TENM3: variants seen among roughly 807,000 people sequenced by gnomAD.
TENM3 encodes teneurin transmembrane protein 3.
TENM3 carries 63 observed loss-of-function variants against 255.1 expected under a neutral mutation model. That is an observed-to-expected ratio of 0.25 (90% confidence interval 0.20 to 0.30). The LOEUF (loss-of-function observed/expected upper bound fraction) is 0.30, where lower values mean the gene tolerates loss of function less well. TENM3 is among the 10% of genes least tolerant of loss of function. The pLI, the probability that TENM3 is intolerant of heterozygous loss-of-function variation, is 1.00. For missense variants in TENM3, 2,929 were observed against 3,461.1 expected, an observed-to-expected ratio of 0.85 and a Z score of 3.86; for synonymous variants, 1,306 against 1,322.3, an observed-to-expected ratio of 0.99 and a Z score of 0.27.
intron 3 of TENM3, among the ~76,000 whole-genome samples, chr4:182,568,280 A>G (rs1308553794): frequency 6.6e-6 from 1 of 152,208 alleles, no homozygotes; most frequent in East Asian, 1.9e-4. Flanking sequence ...TTTGAGCTCA[A>G]CACAGTGAGT....
At chr4:182,239,204 G>A (rs971576795), upstream of TENM3, among the ~76,000 whole-genome samples, 9 of 151,860 alleles carry the variant, frequency 5.9e-5, no homozygotes, top group Non-Finnish European at 1.3e-4. Flanking sequence ...AGCCTCCCGA[G>A]TAGCTGGGAT....
At chr4:182,674,578 G>GTT (rs933257910) in intron 7 of TENM3, among the ~76,000 whole-genome samples, 3 of 151,782 alleles carry the variant, frequency 2.0e-5, no homozygotes, top group African/African-American at 7.3e-5. Flanking sequence ...GTTTTTGTTT[G>GTT]TTTTGTTTTT....
At chr4:181,696,617 T>C in the TENM3 span, among the ~76,000 whole-genome samples, 1 of 152,220 alleles carries the variant, frequency 6.6e-6, no homozygotes, top group African/African-American at 2.4e-5. Context: ...AATGTTCAAG[T>C]AAGGGGCCAA....
chr4:182,774,571 C>T (rs1764525468), intron 23 of TENM3, among the ~76,000 whole-genome samples: 1 of 152,182 alleles, frequency 6.6e-6, no homozygotes, highest in Non-Finnish European at 1.5e-5. Context: ...GAGGTGTGTA[C>T]ACCGCGCTCC....
the TENM3 span, among the ~76,000 whole-genome samples, chr4:181,605,571 AGAGAGAAAGAAAGGAAAGAAAGAAAG>A: frequency 3.4e-5 from 1 of 29,126 alleles, no homozygotes; most frequent in South Asian, 1.6e-3. Context: ...AGAAAGAAAG[AGAGAGAAAGAAAGGAAAGAAAGAAAG>A]AAAGAAAGAA....
intron 3 of TENM3, among the ~76,000 whole-genome samples, chr4:182,422,973 C>T (rs1485859146): frequency 2.6e-5 from 4 of 152,182 alleles, no homozygotes; most frequent in Non-Finnish European, 5.9e-5. Flanking sequence ...GGCCTTGTTC[C>T]TAACCTTGAA....
At chr4:182,189,912 A>C (rs1561181592) in intron 1 of TENM3, among the ~76,000 whole-genome samples, 1 of 152,216 alleles carries the variant, frequency 6.6e-6, no homozygotes, top group Non-Finnish European at 1.5e-5. Context: ...GCATCTTTGA[A>C]AATACAATTT....
At chr4:182,049,634 TA>T in the TENM3 span, among the ~76,000 whole-genome samples, 5 of 152,312 alleles carry the variant, frequency 3.3e-5, no homozygotes, top group Admixed American at 2.0e-4. Flanking sequence ...ACAATTACAT[TA>T]AATGCCAAAT....
Position 182,679,831 on chromosome 4 carries a change from G to T in TENM3, c.1492G>T (p.Asp498Tyr). ...AATCTGGCATCTGGCTTTTTATAAT[G>T]ATGGGAAAAATGCAGAGCAGGTGTC... is the stretch of plus-strand genomic sequence containing the variant. ...SGIWHLAFYN[D>Y]GKNAEQVSFN... Residue 498 changes from aspartate to tyrosine, a missense_variant, in exon 8 of 28, where the codon GAT becomes TAT. Transcript: ENST00000511685. The T allele has an allele frequency of 6.2e-7, 1 of 1,613,622 alleles. No individual in the cohort carries two copies. The highest frequency in any genetic ancestry group is 8.5e-7 in the Non-Finnish European group (1 of 1,179,740).
chr4:182,087,883 A>G, the TENM3 span, among the ~76,000 whole-genome samples: 1 of 152,234 alleles, frequency 6.6e-6, no homozygotes, highest in African/African-American at 2.4e-5. Flanking sequence ...CAAGGAGTAC[A>G]TCAGAAAGAA....
At chr4:181,849,961 A>T in the TENM3 span, among the ~76,000 whole-genome samples, 89 of 130,258 alleles carry the variant, frequency 6.8e-4, no homozygotes, top group African/African-American at 2.2e-3. Context: ...ACACACACAC[A>T]CACACACACA....
chr4:182,520,834 CCTTCT>C (rs1687687322), intron 3 of TENM3, among the ~76,000 whole-genome samples: 1 of 151,690 alleles, frequency 6.6e-6, no homozygotes, highest in Admixed American at 6.6e-5. Flanking sequence ...TCAGCTCTTT[CCTTCT>C]CTCATGGGCC....
chr4:182,048,677 C>CA, the TENM3 span, among the ~76,000 whole-genome samples: 3 of 151,972 alleles, frequency 2.0e-5, no homozygotes, highest in Non-Finnish European at 1.5e-5. Context: ...ATTCAAGTGC[C>CA]AAAAAAGAAA....
the TENM3 span, among the ~76,000 whole-genome samples, chr4:181,893,103 A>T: frequency 4.6e-5 from 7 of 152,188 alleles, no homozygotes; most frequent in Non-Finnish European, 8.8e-5. Flanking sequence ...TCATTAATAT[A>T]ATTCCGTATT....
rs76046791 is a variant in TENM3, at chr4:182,696,031, T to G, written c.2221+7680T>G. ...ATGAGTGCACCAGAAAAAGTCTTGT[T>G]TATGTGACGTCAAATACTGACATTG... is the stretch of plus-strand genomic sequence containing the variant. On this transcript the variant is annotated intron_variant, in intron 12 of 27. Coordinates refer to ENST00000511685, the MANE Select transcript of TENM3 (RefSeq NM_001080477.4). Among the ~76,000 whole-genome samples, 522 of 152,286 alleles carry G rather than the reference T, an allele frequency of 3.4e-3. 4 individuals carry two copies. The highest frequency in any genetic ancestry group is 5.5e-3 in the Non-Finnish European group (377 of 68,024).
chr4:182,559,221 A>C (rs963330675), intron 3 of TENM3, among the ~76,000 whole-genome samples: 1 of 150,546 alleles, frequency 6.6e-6, no homozygotes, highest in Non-Finnish European at 1.5e-5. Context: ...GACATTTTAA[A>C]AGCAGTTTAT....
At chr4:181,886,119 C>T in the TENM3 span, among the ~76,000 whole-genome samples, 8 of 145,680 alleles carry the variant, frequency 5.5e-5, no homozygotes, top group East Asian at 4.0e-4. Context: ...GTGGCGTGAT[C>T]GCCACTCACT....
chr4:181,671,703 A>G, the TENM3 span, among the ~76,000 whole-genome samples: 1 of 151,898 alleles, frequency 6.6e-6, no homozygotes, highest in Non-Finnish European at 1.5e-5. Flanking sequence ...TTAATTGCCT[A>G]CTTTTCCCAT....
the TENM3 span, among the ~76,000 whole-genome samples, chr4:181,970,434 G>C: frequency 6.6e-6 from 1 of 151,936 alleles, no homozygotes; most frequent in Non-Finnish European, 1.5e-5. Context: ...CAACTATCAA[G>C]ATAAAAGAAA....
Sources: allele counts gnomAD v4.1 joint callset (sites outside exome capture counted in the v4.1 genomes callset), GRCh38; gene constraint gnomAD v4.1.1; transcripts MANE v1.5; gene names NCBI Gene and HGNC (gene_info 2026-07-23, HGNC 2026-07-21).